KATNBL1: variants seen among roughly 807,000 people sequenced by gnomAD.
KATNBL1 encodes the protein katanin regulatory subunit B1 like 1.
KATNBL1 carries 28 observed loss-of-function variants against 44.7 expected under a neutral mutation model. The ratio of observed to expected loss-of-function variants is 0.63; its 90% CI spans 0.46 to 0.86. The LOEUF is 0.86. Among genes scored for constraint, KATNBL1 ranks in the 40% least tolerant of loss-of-function variants. The pLI is 0.00. For synonymous variants in KATNBL1, 78 were observed against 114.9 expected (o/e 0.68, Z 2.06); for missense variants, 272 against 350.7 (o/e 0.78, Z 1.79).
At chr15:34,170,586 ACTT>A (rs1255949362) in intron 1 of KATNBL1, among the ~76,000 whole-genome samples, 1 of 152,218 alleles carries the variant, frequency 6.6e-6, no homozygotes, top group Non-Finnish European at 1.5e-5. Flanking sequence ...GGAAAAAACT[ACTT>A]TAAAGTTCAT....
intron 2 of KATNBL1, among the ~76,000 whole-genome samples, chr15:34,157,596 C>T (rs182189926): frequency 6.6e-6 from 1 of 152,248 alleles, no homozygotes; most frequent in East Asian, 1.9e-4. Flanking sequence ...ATGTCAGCAG[C>T]GGAGTGCAAA....
chr15:34,169,106 G>A (rs547388544), intron 1 of KATNBL1, among the ~76,000 whole-genome samples: 4 of 152,180 alleles, frequency 2.6e-5, no homozygotes, highest in South Asian at 2.1e-4. Flanking sequence ...AACTGAAGGA[G>A]ATAGAGACAC....
At chr15:34,206,727 G>T (rs1469640018) in intron 1 of KATNBL1, among the ~76,000 whole-genome samples, 1 of 151,720 alleles carries the variant, frequency 6.6e-6, no homozygotes, top group Admixed American at 6.6e-5. Flanking sequence ...GGAGGTGGAG[G>T]TTGTGGTGAG....
At position 34,145,510 on chromosome 15, in the gene KATNBL1, A is replaced by G. The variant is rs749312642; in HGVS notation, c.789-19T>C. On this transcript the variant is annotated intron_variant, in intron 8 of 9. Coordinates refer to ENST00000256544, the MANE Select transcript of KATNBL1 (RefSeq NM_024713.3). ...AATATTTCTAAAAGAAAAAAAAGGA[A>G]GAAAAATGAGAAAGCAAATACATTA... The G allele has an allele frequency of 7.1e-7, 1 of 1,410,844 alleles. No individual in the cohort carries two copies. Among genetic ancestry groups the G allele is most frequent in the Admixed American group, 3.4e-5 (1 of 29,338 alleles). The allele number at this position is 1,410,844 out of a possible 1,614,324, so 87.4% of individuals were successfully genotyped here.
At chr15:34,173,976 G>GAACA (rs768216632) in intron 1 of KATNBL1, among the ~76,000 whole-genome samples, 1 of 152,014 alleles carries the variant, frequency 6.6e-6, no homozygotes, top group Non-Finnish European at 1.5e-5. Context: ...CAAAACAAAT[G>GAACA]AACAAACAAA....
chr15:34,197,778 C>T (rs1433497513), intron 1 of KATNBL1, among the ~76,000 whole-genome samples: 2 of 152,130 alleles, frequency 1.3e-5, no homozygotes, highest in Admixed American at 6.6e-5. Context: ...GACGGAGTCT[C>T]GCTCTGTTGC....
At position 34,210,043 on chromosome 15, in the gene KATNBL1, G is replaced by A. The variant is rs1305493873; in HGVS notation, c.-107C>T. ...GAGAGTCCCTCGGCTTCTGGGCCGA[G>A]TCCCACTCAGGGCCATTCAAACGCG... On this transcript the variant is annotated 5_prime_UTR_variant, in exon 1 of 10. Transcript: ENST00000256544. 6.6e-6 allele frequency: 1 copy of A among 151,484 alleles called. No individual in the cohort carries two copies. The highest frequency in any genetic ancestry group is 1.5e-5 in the Non-Finnish European group (1 of 67,840). 9.4% of individuals were successfully genotyped at this position (151,484 alleles called of 1,614,324 possible). A position where few individuals can be genotyped will look rare whatever the true frequency, so the allele number is the denominator to read the frequency against.
In KATNBL1 at chr15:34,147,256, G is replaced by T; in HGVS notation, c.642C>A (p.Gly214=). 1 of 1,612,784 alleles carries T rather than the reference G, an allele frequency of 6.2e-7. No homozygotes were observed. The highest frequency in any genetic ancestry group is 8.5e-7 in the Non-Finnish European group (1 of 1,179,182). The stretch of plus-strand genomic sequence containing the variant: ...CTAGAGGCAACAAGTCAACACAGCA[G>T]CCAAGTGAGATATATTGTTTTTCTT... ...LQEEKQYISL[G]CCVDLLPLVK... is the part of the protein sequence containing the mutation. Residue 214 remains glycine (G), a synonymous_variant, in exon 7 of 10, where the codon GGC becomes GGA. Coordinates refer to ENST00000256544, the MANE Select transcript of KATNBL1 (RefSeq NM_024713.3).
Position 34,142,268 on chromosome 15 carries a change from T to A in KATNBL1, c.*71A>T. 9.0e-7 allele frequency: 1 copy of A among 1,115,080 alleles called. No homozygotes were observed. The highest frequency in any genetic ancestry group is 1.9e-5 in the South Asian group (1 of 52,042). The allele number at this position is 1,115,080 out of a possible 1,614,324, so 69.1% of individuals were successfully genotyped here. ...CAGTTCACAGTTCTCAGACGAGACT[T>A]TTTTTTTTTGTAAATTATACAGTTC... On this transcript the variant is annotated 3_prime_UTR_variant, in exon 10 of 10. Transcript: ENST00000256544.
chr15:34,169,005 A>G (rs908633605), intron 1 of KATNBL1, among the ~76,000 whole-genome samples: 1 of 149,960 alleles, frequency 6.7e-6, no homozygotes, highest in African/African-American at 2.4e-5. Flanking sequence ...TACAATCGAC[A>G]TGCTAAAATC....
chr15:34,173,499 A>T (rs1043189658), intron 1 of KATNBL1, among the ~76,000 whole-genome samples: 1 of 152,180 alleles, frequency 6.6e-6, no homozygotes, highest in Non-Finnish European at 1.5e-5. Flanking sequence ...GTATCTTCAG[A>T]TACACAGAGT....
At chr15:34,203,187 A>G (rs986357299) in intron 1 of KATNBL1, among the ~76,000 whole-genome samples, 2 of 152,258 alleles carry the variant, frequency 1.3e-5, no homozygotes, top group East Asian at 1.9e-4. Flanking sequence ...CTAACTCAGT[A>G]AACGGAACCA....
chr15:34,195,773 T>C (rs909324648), intron 1 of KATNBL1, among the ~76,000 whole-genome samples: 2 of 151,946 alleles, frequency 1.3e-5, no homozygotes, highest in Admixed American at 6.6e-5. Context: ...TGACTATGTA[T>C]TGGGAATTCT....
Position 34,152,914 on chromosome 15 carries a change from G to A in KATNBL1, c.314C>T (p.Ala105Val). 1 of 1,614,068 alleles carries A rather than the reference G, an allele frequency of 6.2e-7. No homozygotes were observed. The highest frequency in any genetic ancestry group is 8.5e-7 in the Non-Finnish European group (1 of 1,179,938). Residue 105 changes from alanine to valine, a missense_variant, in exon 4 of 10, where the codon GCT becomes GTT. Ala to Val is a moderately conservative substitution (Grantham distance 64). Coordinates refer to ENST00000256544, the MANE Select transcript of KATNBL1 (RefSeq NM_024713.3). ...TTTTTCAGGCAGGTGGCCTGCACAAGCCAGTTCATTTTCTTTATTTGCCAT... is the reference window on the plus strand; with the variant it reads ...TTTTTCAGGCAGGTGGCCTGCACAAACCAGTTCATTTTCTTTATTTGCCAT... ...CDMANKENELACAGHLPEKLH... is the reference protein window; with the variant it reads ...CDMANKENELVCAGHLPEKLH...
intron 4 of KATNBL1, among the ~76,000 whole-genome samples, chr15:34,151,260 C>T (rs1219176573): frequency 6.6e-6 from 1 of 151,948 alleles, no homozygotes; most frequent in East Asian, 1.9e-4. Context: ...TATTTTTTGA[C>T]TTTTTAATAA....
At chr15:34,179,764 G>T (rs1889463535) in intron 1 of KATNBL1, among the ~76,000 whole-genome samples, 1 of 152,168 alleles carries the variant, frequency 6.6e-6, no homozygotes, top group Non-Finnish European at 1.5e-5. Context: ...ATTATTTATT[G>T]TTGGTGGGAT....
At chr15:34,168,518 TAGAC>T (rs1210034717) in intron 1 of KATNBL1, among the ~76,000 whole-genome samples, 1 of 152,042 alleles carries the variant, frequency 6.6e-6, no homozygotes, top group Non-Finnish European at 1.5e-5. Flanking sequence ...CTGTCAATAT[TAGAC>T]AGATCAGTGA....
intron 8 of KATNBL1, chr15:34,146,484 A>C: frequency 3.5e-6 from 1 of 289,592 alleles, no homozygotes; most frequent in South Asian, 5.7e-5. Flanking sequence ...CCTTACTCAT[A>C]ATGAATATGA....
intron 1 of KATNBL1, among the ~76,000 whole-genome samples, chr15:34,190,864 G>A (rs1185159169): frequency 6.6e-6 from 1 of 152,084 alleles, no homozygotes; most frequent in Non-Finnish European, 1.5e-5. Flanking sequence ...AGAAGACACA[G>A]GAACCTGTTA....
Sources: allele counts gnomAD v4.1 joint callset (sites outside exome capture counted in the v4.1 genomes callset), GRCh38; gene constraint gnomAD v4.1.1; transcripts MANE v1.5; gene names NCBI Gene and HGNC (gene_info 2026-07-23, HGNC 2026-07-21).